Variants in FHIP1A observed in about 807,000 individuals in gnomAD.
The protein encoded by FHIP1A is FHF complex subunit HOOK interacting protein 1A, also known as FHF complex subunit HOOK-interacting protein 1A.
Under a neutral mutation model 88.6 loss-of-function variants are expected in FHIP1A, and 61 were observed. That is an observed-to-expected ratio of 0.69 (90% confidence interval 0.56 to 0.85). The LOEUF (loss-of-function observed/expected upper bound fraction) is 0.85. FHIP1A is among the 40% of genes least tolerant of loss of function. FHIP1A has a pLI of 0.00. For missense variants in FHIP1A, 1,154 were observed against 1,273.5 expected (o/e 0.91, Z 1.43); for synonymous variants, 478 against 496.0 (o/e 0.96, Z 0.48).
At chr4:151,592,910 T>C (rs1734492820) in intron 7 of FHIP1A, among the ~76,000 whole-genome samples, 1 of 152,244 alleles carries the variant, frequency 6.6e-6, no homozygotes, top group Non-Finnish European at 1.5e-5. Context: ...TACATTTAAC[T>C]CTTTAATCCA....
At chr4:151,619,131 A>T (rs1735648541) in intron 7 of FHIP1A, among the ~76,000 whole-genome samples, 1 of 152,196 alleles carries the variant, frequency 6.6e-6, no homozygotes, top group South Asian at 2.1e-4. Flanking sequence ...GGTTTCCAGG[A>T]CAGCCTTATT....
intron 3 of FHIP1A, among the ~76,000 whole-genome samples, chr4:151,515,393 C>G (rs1580655641): frequency 6.6e-6 from 1 of 151,958 alleles, no homozygotes; most frequent in Non-Finnish European, 1.5e-5. Flanking sequence ...AAAAGTGGCA[C>G]AAGACAGGGA....
In FHIP1A at chr4:151,635,382, T is replaced by TA. The variant is rs1447470522; in HGVS notation, c.1147-3291dup. 4.0e-5 allele frequency among the ~76,000 whole-genome samples: 6 copies of TA among 151,860 alleles called. No homozygotes were observed. The East Asian group carries it at 9.6e-4, about 24-fold the overall frequency. ...GCAATCCCACTTCTGGGTATATATC[T>TA]AAAAGAATTTAAAGCACGATCTTGA... On this transcript the variant is annotated intron_variant, in intron 8 of 13. Transcript: ENST00000435205.
intron 2 of FHIP1A, among the ~76,000 whole-genome samples, chr4:151,479,881 G>A (rs938302187): frequency 6.6e-6 from 1 of 152,016 alleles, no homozygotes; most frequent in Non-Finnish European, 1.5e-5. Context: ...TTTAAATTTT[G>A]TTCCTTTGTT....
intron 1 of FHIP1A, among the ~76,000 whole-genome samples, chr4:151,440,510 C>T (rs1728366629): frequency 6.6e-6 from 1 of 152,136 alleles, no homozygotes; most frequent in South Asian, 2.1e-4. Flanking sequence ...TTTTTCTTAT[C>T]TCCACCAATG....
intron 3 of FHIP1A, among the ~76,000 whole-genome samples, chr4:151,543,397 T>C (rs1732371116): frequency 6.6e-6 from 1 of 152,214 alleles, no homozygotes; most frequent in African/African-American, 2.4e-5. Flanking sequence ...GTAATAGGCA[T>C]AGAAAAGCTA....
Position 151,494,233 on chromosome 4 carries a change from T to A in FHIP1A, c.-123+11585T>A, listed in dbSNP as rs1441666041. Among the ~76,000 whole-genome samples, 4 of 152,350 alleles carry A rather than the reference T, an allele frequency of 2.6e-5. No individual in the cohort carries two copies. The South Asian group carries it at 8.3e-4, about 32-fold the overall frequency. ...GCAATTGCTGTTGGTGCCTTTGTCA[T>A]GAAATCTTTGCCAGGGCCTATATCC... On this transcript the variant is annotated intron_variant, in intron 3 of 13. Transcript: ENST00000435205.
chr4:151,573,572 G>T (rs1488980188), intron 4 of FHIP1A, among the ~76,000 whole-genome samples: 14 of 151,662 alleles, frequency 9.2e-5, no homozygotes, highest in Non-Finnish European at 5.9e-5. Context: ...CATTAATTTT[G>T]TTTTTTTTCT....
chr4:151,498,031 C>T (rs1210979162), intron 3 of FHIP1A, among the ~76,000 whole-genome samples: 3 of 152,290 alleles, frequency 2.0e-5, no homozygotes, highest in South Asian at 4.1e-4. Flanking sequence ...TCAATGTCTC[C>T]TCTTAGTAAT....
Position 151,626,486 on chromosome 4 carries a change from T to G in FHIP1A, c.979-3216T>G, listed in dbSNP as rs763105373. On this transcript the variant is annotated intron_variant, in intron 7 of 13. Coordinates refer to ENST00000435205, the MANE Select transcript of FHIP1A (RefSeq NM_001109977.3). ...ATAGTGCTTAAGCAGAGACATTCTT[T>G]AGAGTAACAACTGTTCTTATCTTAG... Among the ~76,000 whole-genome samples, 4 of 152,244 alleles carry G rather than the reference T, an allele frequency of 2.6e-5. No homozygotes were observed. The East Asian group carries it at 7.7e-4, about 29-fold the overall frequency.
At position 151,457,121 on chromosome 4, in the gene FHIP1A, T is replaced by C. The variant is rs531630406; in HGVS notation, c.-248+2313T>C. On this transcript the variant is annotated intron_variant, in intron 2 of 13. Transcript: ENST00000435205. ...TCTCTGTAATAGGTAAATATGGTCT[T>C]GTAGTGGGGCTTTTTTGGTAATTTT... 6.6e-5 allele frequency among the ~76,000 whole-genome samples: 10 copies of C among 152,314 alleles called. No individual in the cohort carries two copies. In the East Asian group the frequency reaches 1.7e-3, roughly 26 times the overall value.
chr4:151,656,255 T>C lies in FHIP1A; in HGVS notation c.2575T>C (p.Ser859Pro). 1 of 1,551,656 alleles carries C rather than the reference T, an allele frequency of 6.4e-7. No homozygotes were observed. Residue 859 changes from serine to proline, a missense_variant, in exon 12 of 14, where the codon TCA (serine) becomes CCA (proline). Coordinates refer to ENST00000435205, the MANE Select transcript of FHIP1A (RefSeq NM_001109977.3). This position sits in a 1 kb window ranked among gnomAD's most constrained non-coding sequence, Gnocchi z 4.2. ...FTGPFISVVL[S>P]KLENMLENSL... is the part of the protein sequence containing the mutation. ...AGGCCCATTCATCAGCGTAGTCCTGTCAAAGCTGGAGAACATGCTGGAGAA... is the reference window on the plus strand; with the variant it reads ...AGGCCCATTCATCAGCGTAGTCCTGCCAAAGCTGGAGAACATGCTGGAGAA...
intron 7 of FHIP1A, among the ~76,000 whole-genome samples, chr4:151,618,139 A>G (rs1398370472): frequency 6.6e-6 from 1 of 152,232 alleles, no homozygotes; most frequent in East Asian, 1.9e-4. Context: ...ACAGCTGGAA[A>G]ACACTCAATA....
chr4:151,610,952 A>T (rs1274626545), intron 7 of FHIP1A, among the ~76,000 whole-genome samples: 2 of 152,218 alleles, frequency 1.3e-5, no homozygotes, highest in African/African-American at 4.8e-5. Context: ...TTGTTCATTG[A>T]ACAAATGTTA....
intron 9 of FHIP1A, among the ~76,000 whole-genome samples, chr4:151,640,540 A>G (rs2126894199): frequency 6.6e-6 from 1 of 152,346 alleles, no homozygotes; most frequent in South Asian, 2.1e-4. Flanking sequence ...CCTGAATGAA[A>G]TCCAGAACAA....
intron 4 of FHIP1A, among the ~76,000 whole-genome samples, chr4:151,570,025 A>G (rs1157281592): frequency 1.3e-5 from 2 of 152,210 alleles, no homozygotes; most frequent in Non-Finnish European, 1.5e-5. Flanking sequence ...ATTTTATGCT[A>G]TAAGTTGCCA....
At chr4:151,471,624 T>G (rs889062787) in intron 2 of FHIP1A, among the ~76,000 whole-genome samples, 5 of 152,086 alleles carry the variant, frequency 3.3e-5, no homozygotes, top group Admixed American at 3.3e-4. Flanking sequence ...TTTTTTAAAT[T>G]TTATTTCCAT....
At chr4:151,495,088 G>A (rs1324235536) in intron 3 of FHIP1A, among the ~76,000 whole-genome samples, 2 of 152,166 alleles carry the variant, frequency 1.3e-5, no homozygotes, top group Admixed American at 6.5e-5. Flanking sequence ...GGCAGAGACT[G>A]TGGGATTCTT....
chr4:151,429,848 CAAA>C (rs34699507), intron 1 of FHIP1A, among the ~76,000 whole-genome samples: 8,122 of 105,388 alleles, frequency 0.077, 268 homozygotes, highest in Middle Eastern at 0.12. Flanking sequence ...GACTCTATCT[CAAA>C]AAAAAAAAAA....
Sources: allele counts gnomAD v4.1 joint callset (sites outside exome capture counted in the v4.1 genomes callset), GRCh38; gene constraint gnomAD v4.1.1; non-coding constraint Gnocchi (gnomAD v3.1); transcripts MANE v1.5; gene names NCBI Gene and HGNC (gene_info 2026-07-23, HGNC 2026-07-21).